The following SCYL2 variants were observed in gnomAD, a reference collection of about 807,000 sequenced individuals.
The protein encoded by SCYL2 is SCY1-like protein 2.
SCYL2 carries 36 observed loss-of-function variants against 100.4 expected under a neutral mutation model. The observed-to-expected ratio is 0.36, with a 90% CI of 0.27 to 0.47. The LOEUF (loss-of-function observed/expected upper bound fraction) is 0.47, where lower values mean the gene tolerates loss of function less well. Ranked by LOEUF, SCYL2 falls within the 20% of genes least tolerant of loss-of-function variation. SCYL2 has a pLI of 1.00. For missense variants in SCYL2, 902 were observed against 1,083.9 expected, an observed-to-expected ratio of 0.83 and a Z score of 2.36; for synonymous variants, 330 against 359.2, an observed-to-expected ratio of 0.92 and a Z score of 0.92.
chr12:100,273,704 T>C (rs1486346025), intron 1 of SCYL2, among the ~76,000 whole-genome samples: 2 of 152,228 alleles, frequency 1.3e-5, no homozygotes, highest in Non-Finnish European at 2.9e-5. Flanking sequence ...TCTTGGCACG[T>C]GGTATTATAA....
intron 10 of SCYL2, among the ~76,000 whole-genome samples, chr12:100,320,881 T>C (rs1353174599): frequency 1.3e-5 from 2 of 152,162 alleles, no homozygotes; most frequent in Non-Finnish European, 2.9e-5. Context: ...CCCATTCTCT[T>C]CTCCCATCTG....
chr12:100,295,699 G>A (rs1429965843), intron 3 of SCYL2, among the ~76,000 whole-genome samples: 1 of 151,254 alleles, frequency 6.6e-6, no homozygotes, highest in African/African-American at 2.5e-5. Context: ...GAAACAGAGG[G>A]AGAGGGAGAC....
chr12:100,307,876 CAT>C (rs1222514519), intron 4 of SCYL2, among the ~76,000 whole-genome samples: 48 of 152,242 alleles, frequency 3.2e-4, no homozygotes, highest in Non-Finnish European at 5.3e-4. Context: ...AGCCAACAAA[CAT>C]ATGAAAAAAA....
intron 9 of SCYL2, 152 bp from the exon 10 acceptor site, chr12:100,317,650 AT>A (rs367880171): frequency 7.1e-7 from 1 of 1,405,156 alleles, no homozygotes; most frequent in African/African-American, 1.5e-5. Flanking sequence ...AAGAGACTTG[AT>A]TTGTGTGTTT....
chr12:100,293,946 C>T (rs1369958278), intron 3 of SCYL2, among the ~76,000 whole-genome samples: 1 of 152,006 alleles, frequency 6.6e-6, no homozygotes, highest in Non-Finnish European at 1.5e-5. Context: ...ACAGACACGG[C>T]AACCATCCGA....
chr12:100,283,139 A>T lies in SCYL2; in HGVS notation c.169A>T (p.Thr57Ser), dbSNP rs780978828. 3.1e-6 allele frequency: 5 copies of T among 1,604,820 alleles called. No homozygotes were observed. The South Asian group carries it at 5.6e-5, about 18-fold the overall frequency. Residue 57 changes from threonine to serine, a missense_variant, in exon 2 of 18, where the codon ACA (threonine) becomes TCA (serine). Coordinates refer to ENST00000360820, the MANE Select transcript of SCYL2 (RefSeq NM_017988.6). ...WKIFNGTKKS[T>S]KQEVAVFVFD... ...GATTTTTAATGGCACAAAAAAGTCA[A>T]CAAAGCAGGTGAGTTTTAATTCAGC...
intron 10 of SCYL2, among the ~76,000 whole-genome samples, chr12:100,321,921 A>G (rs2096356166): frequency 6.6e-6 from 1 of 151,840 alleles, no homozygotes; most frequent in South Asian, 2.1e-4. Context: ...ATGGCAGTGC[A>G]TGCCTGTAGT....
chr12:100,306,014 A>G (rs536324057), intron 4 of SCYL2, among the ~76,000 whole-genome samples: 1 of 152,318 alleles, frequency 6.6e-6, no homozygotes, highest in East Asian at 1.9e-4. Context: ...ATAGTAATTA[A>G]TAGCCTACGA....
chr12:100,267,838 G>A (rs2096280805), intron 1 of SCYL2, 46 bp downstream of exon 1: 1 of 152,724 alleles, frequency 6.5e-6, no homozygotes, highest in South Asian at 2.1e-4. Flanking sequence ...CCGGTAGCCT[G>A]GGTCACCAGC....
At chr12:100,324,638 AT>A (rs1197354200) in intron 11 of SCYL2, among the ~76,000 whole-genome samples, 1 of 152,208 alleles carries the variant, frequency 6.6e-6, no homozygotes, top group African/African-American at 2.4e-5. Context: ...AAAAGAAATC[AT>A]TACTGAAACA....
intron 4 of SCYL2, among the ~76,000 whole-genome samples, chr12:100,310,319 G>T (rs752613177): frequency 2.0e-5 from 3 of 152,114 alleles, no homozygotes. Flanking sequence ...TTTTTAAATA[G>T]TAGCCATCCT....
At chr12:100,290,985 C>T (rs970095541) in intron 2 of SCYL2, among the ~76,000 whole-genome samples, 1 of 151,974 alleles carries the variant, frequency 6.6e-6, no homozygotes, top group African/African-American at 2.4e-5. Flanking sequence ...TACTAGTAAC[C>T]GTTTACATTT....
intron 4 of SCYL2, among the ~76,000 whole-genome samples, chr12:100,301,453 T>C (rs1399181133): frequency 6.6e-6 from 1 of 152,248 alleles, no homozygotes; most frequent in Admixed American, 6.5e-5. Flanking sequence ...GTGGGTTGTC[T>C]TTTCACTTTG....
intron 1 of SCYL2, among the ~76,000 whole-genome samples, chr12:100,276,052 A>C (rs985767712): frequency 6.6e-6 from 1 of 152,210 alleles, no homozygotes; most frequent in African/African-American, 2.4e-5. Context: ...GTGATGTTCT[A>C]ATATCTTAAG....
chr12:100,340,606 AC>A lies in SCYL2; in HGVS notation c.*1435del, dbSNP rs1235104451. On this transcript the variant is annotated 3_prime_UTR_variant, in exon 18 of 18. Transcript: ENST00000360820. Reference sequence around the variant, plus strand: ...ATATGAATATTCATTGAAAATATATACACAATATATGTAATACACAGCACTT... The same window carrying A: ...ATATGAATATTCATTGAAAATATATAACAATATATGTAATACACAGCACTT... 1.3e-5 allele frequency: 2 copies of A among 152,102 alleles called. No individual in the cohort carries two copies. Among genetic ancestry groups the A allele is most frequent in the Non-Finnish European group, 2.9e-5 (2 of 67,944 alleles). 9.4% of individuals were successfully genotyped at this position (152,102 alleles called of 1,614,324 possible).
chr12:100,273,395 G>A (rs2096289517), intron 1 of SCYL2, among the ~76,000 whole-genome samples: 1 of 152,090 alleles, frequency 6.6e-6, no homozygotes, highest in African/African-American at 2.4e-5. Context: ...TCACTCTGTA[G>A]GCTAGTGCTG....
intron 2 of SCYL2, among the ~76,000 whole-genome samples, chr12:100,283,712 C>A (rs2096301429): frequency 1.3e-5 from 2 of 152,178 alleles, no homozygotes; most frequent in Non-Finnish European, 2.9e-5. Flanking sequence ...CACAGTCATA[C>A]AATTGTGGGT....
At chr12:100,270,537 A>G (rs779797526) in intron 1 of SCYL2, among the ~76,000 whole-genome samples, 79 of 152,088 alleles carry the variant, frequency 5.2e-4, no homozygotes, top group Non-Finnish European at 8.8e-4. Flanking sequence ...AAAAACTTGG[A>G]TGTAATCTTT....
intron 4 of SCYL2, among the ~76,000 whole-genome samples, chr12:100,306,530 A>C (rs565610556): frequency 6.6e-6 from 1 of 152,220 alleles, no homozygotes; most frequent in Non-Finnish European, 1.5e-5. Flanking sequence ...ATTTATGACA[A>C]ACTCACAGCC....
Sources: allele counts gnomAD v4.1 joint callset (sites outside exome capture counted in the v4.1 genomes callset), GRCh38; gene constraint gnomAD v4.1.1; transcripts MANE v1.5; gene names NCBI Gene and HGNC (gene_info 2026-07-23, HGNC 2026-07-21).